The following RNF168 variants were observed in gnomAD, a reference collection of about 807,000 sequenced individuals.
The protein encoded by RNF168 is ring finger protein 168, also known as E3 ubiquitin-protein ligase RNF168.
A neutral mutation model predicts 34.9 loss-of-function variants in RNF168; 34 were observed. The observed-to-expected ratio is 0.97, with a 90% CI of 0.74 to 1.30. RNF168 has a LOEUF of 1.30. Among genes scored for constraint, RNF168 ranks in the 50% most tolerant of loss-of-function variants. RNF168 has a pLI of 0.00. For missense variants in RNF168, 725 were observed against 682.5 expected (o/e 1.06, Z -0.69); for synonymous variants, 264 against 254.7 (o/e 1.04, Z -0.35).
intron 1 of RNF168, among the ~76,000 whole-genome samples, chr3:196,493,249 G>A (rs1002434053): frequency 5.9e-5 from 9 of 152,164 alleles, no homozygotes; most frequent in Admixed American, 2.6e-4. Context: ...TTGTTAAACC[G>A]TGGAATGACA....
chr3:196,491,111 G>A (rs1223022021), intron 1 of RNF168, among the ~76,000 whole-genome samples: 2 of 151,896 alleles, frequency 1.3e-5, no homozygotes, highest in African/African-American at 2.4e-5. Flanking sequence ...TCAGGAGTTC[G>A]AGACCAGCCT....
chr3:196,497,298 T>C (rs527986788), intron 1 of RNF168, among the ~76,000 whole-genome samples: 2 of 152,234 alleles, frequency 1.3e-5, no homozygotes, highest in South Asian at 2.1e-4. Flanking sequence ...CTGATACCCA[T>C]ATGGGAAAAA....
chr3:196,503,389 T>C lies in RNF168; in HGVS notation c.-216A>G. The stretch of plus-strand genomic sequence containing the variant: ...GGAATACCCCGGAGGGCGGCGTCTT[T>C]GTCCATTTTCAAGGCAAACGTCCCG... On this transcript the variant is annotated 5_prime_UTR_variant, in exon 1 of 6. Transcript: ENST00000318037. The C allele has an allele frequency of 1.7e-6, 1 of 587,982 alleles. No individual in the cohort carries two copies. The highest frequency in any genetic ancestry group is 3.0e-6 in the Non-Finnish European group (1 of 329,782). The allele number at this position is 587,982 out of a possible 1,614,324, so 36.4% of individuals were successfully genotyped here.
At position 196,503,663 on chromosome 3, in the gene RNF168, C is replaced by G. The variant is rs1732964750; in HGVS notation, c.-490G>C. On this transcript the variant is annotated 5_prime_UTR_variant, in exon 1 of 6. Transcript: ENST00000318037. ...GGGGGAGACGCGCGACTCCCGTGTT[C>G]ACCTTTCGGGCGCCTGGCGCAGTTT... 1 of 206,222 alleles carries G rather than the reference C, an allele frequency of 4.8e-6. No homozygotes were observed. The highest frequency in any genetic ancestry group is 1.0e-5 in the Non-Finnish European group (1 of 99,072). 12.8% of individuals were successfully genotyped at this position (206,222 alleles called of 1,614,324 possible).
Position 196,471,681 on chromosome 3 carries a change from C to A in RNF168, c.*138G>T, listed in dbSNP as rs1393361924. ...AGCTCATGTGTCTATGCAGTCCTTA[C>A]AATCACACAGACCTTCATTAAGGAC... On this transcript the variant is annotated 3_prime_UTR_variant, in exon 6 of 6. Transcript: ENST00000318037. 1.1e-5 allele frequency: 8 copies of A among 718,672 alleles called. No individual in the cohort carries two copies. Among genetic ancestry groups the A allele is most frequent in the African/African-American group, 8.7e-5 (5 of 57,468 alleles). 44.5% of individuals were successfully genotyped at this position (718,672 alleles called of 1,614,324 possible). A position where few individuals can be genotyped will look rare whatever the true frequency, so the allele number is the denominator to read the frequency against.
At chr3:196,472,868 T>A (rs961420377) in intron 5 of RNF168, 96 bp from the exon 6 acceptor site, 2 of 710,524 alleles carry the variant, frequency 2.8e-6, no homozygotes, top group Non-Finnish European at 2.5e-6. Flanking sequence ...GGACTGTCAC[T>A]ATACATTATT....
chr3:196,489,584 C>A (rs1172914552), intron 1 of RNF168, among the ~76,000 whole-genome samples: 1 of 152,144 alleles, frequency 6.6e-6, no homozygotes, highest in Non-Finnish European at 1.5e-5. Flanking sequence ...ACCTCAGCCT[C>A]CCAAAGTGCT....
intron 5 of RNF168, among the ~76,000 whole-genome samples, chr3:196,473,791 G>A (rs1485236368): frequency 6.6e-6 from 1 of 151,890 alleles, no homozygotes; most frequent in Non-Finnish European, 1.5e-5. Flanking sequence ...CTCCAGCCTG[G>A]ACGATGGATT....
intron 4 of RNF168, among the ~76,000 whole-genome samples, chr3:196,476,779 C>T (rs1351901775): frequency 6.7e-6 from 1 of 149,954 alleles, no homozygotes; most frequent in Non-Finnish European, 1.5e-5. Context: ...GACAGAGTCT[C>T]ACTCTGTCGC....
chr3:196,486,419 A>G (rs1732425953), intron 3 of RNF168, among the ~76,000 whole-genome samples: 1 of 152,110 alleles, frequency 6.6e-6, no homozygotes, highest in Non-Finnish European at 1.5e-5. Context: ...TGTAACCTCA[A>G]ACTCCTGGGC....
chr3:196,493,262 T>G (rs908173537), intron 1 of RNF168, among the ~76,000 whole-genome samples: 1 of 152,220 alleles, frequency 6.6e-6, no homozygotes, highest in Non-Finnish European at 1.5e-5. Flanking sequence ...GAATGACAGA[T>G]TTTTAAAGTT....
At chr3:196,495,327 T>C (rs1490391548) in intron 1 of RNF168, among the ~76,000 whole-genome samples, 1 of 152,220 alleles carries the variant, frequency 6.6e-6, no homozygotes, top group Admixed American at 6.5e-5. Flanking sequence ...AACATTGATA[T>C]ATTACCCATC....
intron 4 of RNF168, among the ~76,000 whole-genome samples, chr3:196,481,553 CATTAAGA>C (rs1240685285): frequency 6.6e-6 from 1 of 151,976 alleles, no homozygotes; most frequent in African/African-American, 2.4e-5. Context: ...GTTACCACTT[CATTAAGA>C]ATTATCATCT....
intron 4 of RNF168, among the ~76,000 whole-genome samples, chr3:196,479,135 C>T (rs1241799924): frequency 6.6e-6 from 1 of 151,934 alleles, no homozygotes; most frequent in Non-Finnish European, 1.5e-5. Flanking sequence ...GCCTCAGCCT[C>T]CCGAGTAGCT....
chr3:196,493,458 G>C (rs185666500), intron 1 of RNF168, among the ~76,000 whole-genome samples: 1 of 151,876 alleles, frequency 6.6e-6, no homozygotes, highest in African/African-American at 2.4e-5. Flanking sequence ...TGGCTGAAGC[G>C]ATTCTCCTGC....
intron 1 of RNF168, among the ~76,000 whole-genome samples, chr3:196,500,772 C>A (rs368721691): frequency 6.6e-6 from 1 of 151,702 alleles, no homozygotes; most frequent in East Asian, 1.9e-4. Flanking sequence ...AGTGCGGTGG[C>A]GTGATCTCGG....
intron 3 of RNF168, among the ~76,000 whole-genome samples, chr3:196,485,049 T>C (rs1251522900): frequency 6.6e-6 from 1 of 152,212 alleles, no homozygotes; most frequent in Non-Finnish European, 1.5e-5. Flanking sequence ...AATAGTTTTA[T>C]GTAATAATAT....
In RNF168 at chr3:196,471,229, A is replaced by AAAC. The variant is rs1731995826; in HGVS notation, c.*589_*590insGTT. 2 of 142,268 alleles carry AAAC rather than the reference A, an allele frequency of 1.4e-5. No homozygotes were observed. Among genetic ancestry groups the AAAC allele is most frequent in the Non-Finnish European group, 3.0e-5 (2 of 66,084 alleles). 8.8% of individuals were successfully genotyped at this position (142,268 alleles called of 1,614,324 possible). Reference sequence around the variant, plus strand: ...AAAAAAAAAAAAAAAAAAAAAAAAAATCTGGGATTTCCCACATATGAATAT... The same window carrying AAAC: ...AAAAAAAAAAAAAAAAAAAAAAAAAAAACTCTGGGATTTCCCACATATGAATAT... On this transcript the variant is annotated 3_prime_UTR_variant, in exon 6 of 6. Transcript: ENST00000318037.
Position 196,475,258 on chromosome 3 carries a change from T to C in RNF168, c.735A>G (p.Gln245=). 3 of 1,609,734 alleles carry C rather than the reference T, an allele frequency of 1.9e-6. No individual in the cohort carries two copies. The highest frequency in any genetic ancestry group is 2.6e-6 in the Non-Finnish European group (3 of 1,175,962). Residue 245 remains glutamine, a synonymous_variant, in exon 5 of 6, where the codon CAA becomes CAG. Transcript: ENST00000318037. The part of the protein sequence containing the change: ...FGSASHSEAV[Q]EVRKDSVSKD... Reference sequence around the variant, plus strand: ...TAGATACGGAGTCTTTCCTGACTTCTTGTACAGCTTCAGAGTGTGAGGCTG... The same window carrying C: ...TAGATACGGAGTCTTTCCTGACTTCCTGTACAGCTTCAGAGTGTGAGGCTG...
Sources: allele counts gnomAD v4.1 joint callset (sites outside exome capture counted in the v4.1 genomes callset), GRCh38; gene constraint gnomAD v4.1.1; transcripts MANE v1.5; gene names NCBI Gene and HGNC (gene_info 2026-07-23, HGNC 2026-07-21).